Variants in SESN3 observed in about 807,000 individuals in gnomAD.
SESN3 encodes the protein sestrin-3.
A neutral mutation model predicts 55.3 loss-of-function variants in SESN3; 21 were observed. The observed-to-expected ratio is 0.38, with a 90% CI of 0.27 to 0.55. The LOEUF (loss-of-function observed/expected upper bound fraction) is 0.55. SESN3 is among the 20% of genes least tolerant of loss of function. The pLI, the probability that SESN3 is intolerant of heterozygous loss-of-function variation, is 0.76. For missense variants in SESN3, 408 were observed against 604.3 expected (o/e 0.68, Z 3.41); for synonymous variants, 181 against 203.1 (o/e 0.89, Z 0.93).
intron 3 of SESN3, among the ~76,000 whole-genome samples, chr11:95,190,316 T>TA (rs1393035229): frequency 6.6e-6 from 1 of 151,932 alleles, no homozygotes; most frequent in African/African-American, 2.4e-5. Context: ...CTCATTAACT[T>TA]ACATTCTAAC....
intron 6 of SESN3, among the ~76,000 whole-genome samples, chr11:95,180,817 C>A (rs1200196866): frequency 1.3e-5 from 2 of 152,068 alleles, no homozygotes; most frequent in African/African-American, 4.8e-5. Flanking sequence ...CCCATAACCA[C>A]TTTATTTTCT....
intron 1 of SESN3, among the ~76,000 whole-genome samples, chr11:95,227,158 C>T (rs930812763): frequency 2.0e-5 from 3 of 151,284 alleles, no homozygotes; most frequent in Admixed American, 1.3e-4. Flanking sequence ...AAATGAGGCT[C>T]ATATAGTTCA....
At chr11:95,220,373 A>G (rs1249898515) in intron 1 of SESN3, among the ~76,000 whole-genome samples, 1 of 152,208 alleles carries the variant, frequency 6.6e-6, no homozygotes, top group African/African-American at 2.4e-5. Context: ...GTATTAAATG[A>G]TTCAATGTTA....
rs968460285 is a variant in SESN3 at position 95,170,356 on chromosome 11, C to T, written c.*2899G>A. On this transcript the variant is annotated 3_prime_UTR_variant, in exon 10 of 10. Transcript: ENST00000536441. Reference sequence around the variant, plus strand: ...TAAATAGACATTATTCAAGCATACACATCAGTGGACTATGAAGACTAATTT... The same window carrying T: ...TAAATAGACATTATTCAAGCATACATATCAGTGGACTATGAAGACTAATTT... 2.6e-5 allele frequency: 4 copies of T among 152,320 alleles called. No homozygotes were observed. The highest frequency in any genetic ancestry group is 9.6e-5 in the African/African-American group (4 of 41,576). 9.4% of individuals were successfully genotyped at this position (152,320 alleles called of 1,614,324 possible).
At chr11:95,183,596 C>A (rs192595794) in intron 6 of SESN3, among the ~76,000 whole-genome samples, 1 of 150,668 alleles carries the variant, frequency 6.6e-6, no homozygotes, top group Non-Finnish European at 1.5e-5. Flanking sequence ...ACAAGAGAAC[C>A]GCTTGAACCT....
chr11:95,176,045 G>A (rs561840426), intron 8 of SESN3, among the ~76,000 whole-genome samples: 189 of 152,258 alleles, frequency 1.2e-3, no homozygotes, highest in Admixed American at 1.1e-3. Flanking sequence ...ACCAGATGGT[G>A]GTAAAGAAGC....
At position 95,169,686 on chromosome 11, in the gene SESN3, T is replaced by C. The variant is rs1021574210; in HGVS notation, c.*3569A>G. On this transcript the variant is annotated 3_prime_UTR_variant, in exon 10 of 10. Coordinates refer to ENST00000536441, the MANE Select transcript of SESN3 (RefSeq NM_144665.4). ...CCATCATATAGGCATGCACCCTCCC[T>C]CCACTAAAAATGGTGTACTATTTTA... The C allele has an allele frequency of 3.3e-5, 5 of 152,130 alleles. No homozygotes were observed. The highest frequency in any genetic ancestry group is 7.4e-5 in the Non-Finnish European group (5 of 68,008). 9.4% of individuals were successfully genotyped at this position (152,130 alleles called of 1,614,324 possible).
rs111528992 is a variant in SESN3, at chr11:95,192,033, G to C, written c.145-432C>G. Among the ~76,000 whole-genome samples the C allele has an allele frequency of 5.3e-3, 801 of 152,058 alleles. 4 individuals are homozygous for C. Among genetic ancestry groups the C allele is most frequent in the Non-Finnish European group, 7.0e-3 (475 of 67,958 alleles). ...CATCATTTTTAGACTAATATTTTCA[G>C]TCTAATCCTTTGCTTGCTTTTGTGA... is the stretch of plus-strand genomic sequence containing the variant. On this transcript the variant is annotated intron_variant, in intron 2 of 9. Coordinates refer to ENST00000536441, the MANE Select transcript of SESN3 (RefSeq NM_144665.4).
At chr11:95,182,339 T>G (rs1860072569) in intron 6 of SESN3, among the ~76,000 whole-genome samples, 1 of 152,198 alleles carries the variant, frequency 6.6e-6, no homozygotes, top group African/African-American at 2.4e-5. Flanking sequence ...ATTATTTTCC[T>G]TCAACCTCAC....
rs1489329660 is a variant in SESN3, at chr11:95,178,717, C to T, written c.1049G>A (p.Arg350Gln). 11 of 1,591,642 alleles carry T rather than the reference C, an allele frequency of 6.9e-6. No homozygotes were observed. The highest frequency in any genetic ancestry group is 1.1e-5 in the South Asian group (1 of 90,588). ...RRGEEHLPTFRAQDYTWENHG... is the reference protein window; with the variant it reads ...RRGEEHLPTFQAQDYTWENHG... ...ATTAAAGACATATTATACCTGAGCTCGGAATGTTGGCAAATGCTCTTCTCC... is the reference window on the plus strand; with the variant it reads ...ATTAAAGACATATTATACCTGAGCTTGGAATGTTGGCAAATGCTCTTCTCC... Residue 350 changes from arginine to glutamine, a missense_variant, in exon 7 of 10, where the codon CGA becomes CAA. This residue lies in a region of SESN3 where 121 missense variants were observed against 204.9 expected (regional missense o/e 0.59). Coordinates refer to ENST00000536441, the MANE Select transcript of SESN3 (RefSeq NM_144665.4).
At position 95,170,103 on chromosome 11, in the gene SESN3, G is replaced by T. The variant is rs1859821733; in HGVS notation, c.*3152C>A. 6.6e-6 allele frequency: 1 copy of T among 152,230 alleles called. No individual in the cohort carries two copies. The highest frequency in any genetic ancestry group is 2.4e-5 in the African/African-American group (1 of 41,552). The allele number at this position is 152,230 out of a possible 1,614,324, so 9.4% of individuals were successfully genotyped here. A position where few individuals can be genotyped will look rare whatever the true frequency, so the allele number is the denominator to read the frequency against. The stretch of plus-strand genomic sequence containing the variant: ...AGACAATGTACTTAGTTCAAAAAGG[G>T]GAAGGAGGTAATAAGCTGTCTCAAA... On this transcript the variant is annotated 3_prime_UTR_variant, in exon 10 of 10. Coordinates refer to ENST00000536441, the MANE Select transcript of SESN3 (RefSeq NM_144665.4).
chr11:95,191,172 G>A (rs1334764286), intron 3 of SESN3, among the ~76,000 whole-genome samples: 1 of 152,032 alleles, frequency 6.6e-6, no homozygotes, highest in Non-Finnish European at 1.5e-5. Context: ...GATTAAATAT[G>A]AAAAATGATT....
At position 95,177,904 on chromosome 11, in the gene SESN3, A is replaced by G. The variant is rs201060518; in HGVS notation, c.1062T>C (p.Tyr354=). 7.6e-5 allele frequency: 120 copies of G among 1,573,760 alleles called. 2 individuals carry two copies. In the South Asian group the frequency reaches 1.1e-3, roughly 15 times the overall value. ...GGGAGAACCCATGATTTTCCCAGGT[A>G]TAGTCCTAAAAGAATAAAATGTATT... ...EHLPTFRAQD[Y]TWENHGFSLV... Residue 354 remains tyrosine, a synonymous_variant, in exon 8 of 10, where the codon TAT becomes TAC. Coordinates refer to ENST00000536441, the MANE Select transcript of SESN3 (RefSeq NM_144665.4).
chr11:95,218,893 C>G (rs149591192), intron 1 of SESN3, among the ~76,000 whole-genome samples: 1,571 of 152,248 alleles, frequency 0.01, 34 homozygotes, highest in African/African-American at 0.036. Flanking sequence ...ACCTCGTGAT[C>G]CGCCCGCCTC....
chr11:95,211,592 C>A (rs1457668450), intron 1 of SESN3, among the ~76,000 whole-genome samples: 1 of 152,054 alleles, frequency 6.6e-6, no homozygotes, highest in East Asian at 1.9e-4. Flanking sequence ...ATGGTGAAAC[C>A]CCATCTCTAC....
chr11:95,208,948 A>T (rs2134252820), intron 1 of SESN3, among the ~76,000 whole-genome samples: 1 of 151,676 alleles, frequency 6.6e-6, no homozygotes, highest in South Asian at 2.1e-4. Flanking sequence ...TAAACATAAG[A>T]CCTAAAACCA....
At chr11:95,208,643 G>T (rs1305189412) in intron 1 of SESN3, among the ~76,000 whole-genome samples, 1 of 151,384 alleles carries the variant, frequency 6.6e-6, no homozygotes, top group Non-Finnish European at 1.5e-5. Flanking sequence ...CAAAGCTGGA[G>T]GCATCATGCT....
At chr11:95,191,269 C>T (rs1008491772) in intron 3 of SESN3, 135 bp downstream of exon 3, 1 of 703,480 alleles carries the variant, frequency 1.4e-6, no homozygotes, top group Admixed American at 2.3e-5. Flanking sequence ...ATCCAAAAGG[C>T]CATAGGCTTC....
At chr11:95,224,355 T>C in intron 1 of SESN3, 1 of 364,330 alleles carries the variant, frequency 2.7e-6, no homozygotes, top group South Asian at 2.0e-5. Flanking sequence ...GATAAACATT[T>C]CCTCAAAAAT....
Sources: gnomAD v4.1 joint callset for allele counts (sites outside exome capture counted in the v4.1 genomes callset) on GRCh38, gnomAD v4.1.1 for gene constraint, gnomAD v4.1.1 regional missense constraint, MANE v1.5 for transcripts, NCBI Gene and HGNC (gene_info 2026-07-23, HGNC 2026-07-21) for gene names.